ZNF254: variants seen among roughly 807,000 people sequenced by gnomAD.
The protein encoded by ZNF254 is zinc finger protein 254, also known as CTD-2017D11.1.
A neutral mutation model predicts 12.4 loss-of-function variants in ZNF254; 10 were observed. That is an observed-to-expected ratio of 0.80 (90% CI 0.50 to 1.36). The LOEUF is 1.36. Ranked by LOEUF, ZNF254 falls within the 40% of genes most tolerant of loss-of-function variation. The probability of loss-of-function intolerance (pLI) is 0.00; values close to 1 mark genes in which losing one functional copy is unlikely to be tolerated. For synonymous variants in ZNF254, 305 were observed against 253.4 expected (o/e 1.20, Z -1.93); for missense variants, 996 against 763.9 (o/e 1.30, Z -3.58).
intron 2 of ZNF254, among the ~76,000 whole-genome samples, chr19:24,071,904 G>A (rs759897218): frequency 6.6e-6 from 1 of 152,162 alleles, no homozygotes; most frequent in Non-Finnish European, 1.5e-5. Flanking sequence ...TCACCTAGGT[G>A]TTGGACTCAG....
chr19:24,127,351 A>G lies in ZNF254; in HGVS notation c.1351A>G (p.Lys451Glu). 1.2e-6 allele frequency: 2 copies of G among 1,613,556 alleles called. No individual in the cohort carries two copies. ...ATTTATCTGGTCCTCAACCCTTACT[A>G]AACATAAGAGAATTCATACTAGAGA... Reference protein sequence around the residue: ...KAFIWSSTLTKHKRIHTREKP... With the variant: ...KAFIWSSTLTEHKRIHTREKP... The change falls in exon 4 of 4, where the codon AAA becomes GAA. Residue 451 changes from lysine (K) to glutamate (E), a missense_variant. Lys to Glu is a moderately conservative substitution (Grantham distance 56). Transcript: ENST00000357002.
At chr19:24,115,457 T>TA (rs35744550) in intron 3 of ZNF254, among the ~76,000 whole-genome samples, 45,530 of 149,722 alleles carry the variant, frequency 0.3, 8,288 homozygotes, top group African/African-American at 0.52. Context: ...TTCCCACTCA[T>TA]GGGGGGAATT....
At chr19:24,103,936 G>A (rs1211849751) in intron 1 of ZNF254, 1 of 152,258 alleles carries the variant, frequency 6.6e-6, no homozygotes, top group Non-Finnish European at 1.5e-5. Context: ...TGTTGGCCAG[G>A]CTGATCTTGA....
At position 24,099,287 on chromosome 19, in the gene ZNF254, G is replaced by A. The variant is rs190916146; in HGVS notation, c.31-6653G>A. Among the ~76,000 whole-genome samples, 26 of 151,768 alleles carry A rather than the reference G, an allele frequency of 1.7e-4. 1 individual carries two copies. In the East Asian group the frequency reaches 5.1e-3, roughly 30 times the overall value. ...CCCAAAGTGCTAGGATAACAGGCAT[G>A]AGCCACCCTGCCTGGCCAGGCTTCA... On this transcript the variant is annotated intron_variant, in intron 1 of 3. Coordinates refer to ENST00000357002, the MANE Select transcript of ZNF254 (RefSeq NM_203282.4).
intron 2 of ZNF254, among the ~76,000 whole-genome samples, chr19:24,056,915 AGAT>A (rs1482339729): frequency 6.6e-6 from 1 of 152,168 alleles, no homozygotes; most frequent in East Asian, 1.9e-4. Context: ...CCTATTACCC[AGAT>A]GATATAAGTC....
At chr19:24,079,237 CT>C (rs1971764789) in intron 2 of ZNF254, 1 of 152,172 alleles carries the variant, frequency 6.6e-6, no homozygotes, top group African/African-American at 2.4e-5. Context: ...TCAAGCCCCC[CT>C]GCCACTTGGT....
chr19:24,041,168 C>G (rs938416076), intron 1 of ZNF254, among the ~76,000 whole-genome samples: 4 of 152,250 alleles, frequency 2.6e-5, no homozygotes, highest in Non-Finnish European at 5.9e-5. Context: ...CCTCAGAGCC[C>G]TCGCTTGCTC....
At chr19:24,034,542 G>A (rs970497769) in intron 1 of ZNF254, among the ~76,000 whole-genome samples, 4 of 136,258 alleles carry the variant, frequency 2.9e-5, no homozygotes, top group Non-Finnish European at 6.1e-5. Context: ...CTGTCACCCA[G>A]GCTGTAGTAC....
chr19:24,119,198 T>C (rs1974312811), intron 3 of ZNF254, among the ~76,000 whole-genome samples: 1 of 152,032 alleles, frequency 6.6e-6, no homozygotes, highest in African/African-American at 2.4e-5. Context: ...TATTGTATTT[T>C]TTATTTTTTT....
chr19:24,099,272 T>G (rs987589170), intron 1 of ZNF254, among the ~76,000 whole-genome samples: 5 of 151,644 alleles, frequency 3.3e-5, no homozygotes, highest in African/African-American at 1.2e-4. Flanking sequence ...CCCAAAGTGC[T>G]AGGATAACAG....
intron 1 of ZNF254, among the ~76,000 whole-genome samples, chr19:24,036,231 T>A (rs1200344944): frequency 9.2e-6 from 1 of 108,440 alleles, no homozygotes; most frequent in East Asian, 2.4e-4. Flanking sequence ...CTCGGCTAAA[T>A]TTTTTTTTTT....
intron 2 of ZNF254, among the ~76,000 whole-genome samples, chr19:24,061,210 T>A (rs1971052535): frequency 6.6e-6 from 1 of 150,854 alleles, no homozygotes; most frequent in African/African-American, 2.5e-5. Flanking sequence ...ATGGGGTTAT[T>A]GAGACATTTA....
At chr19:24,065,182 CCT>C (rs1436299758) in intron 2 of ZNF254, among the ~76,000 whole-genome samples, 7 of 152,180 alleles carry the variant, frequency 4.6e-5, no homozygotes, top group Admixed American at 3.3e-4. Context: ...TCTACTTCTA[CCT>C]GCCTTCTTCC....
At position 24,060,930 on chromosome 19, in the gene ZNF254, C is replaced by A. The variant is rs554384713; in HGVS notation, c.-94+14651C>A. Among the ~76,000 whole-genome samples, 101 of 152,232 alleles carry A rather than the reference C, an allele frequency of 6.6e-4. 1 individual carries two copies. The highest frequency in any genetic ancestry group is 1.3e-3 in the Non-Finnish European group (89 of 68,020). Reference sequence around the variant, plus strand: ...ACCCACAGAGGTCATTGCAACATATCCCTGAGCCCCTAATTTAGGTAATTT... The same window carrying A: ...ACCCACAGAGGTCATTGCAACATATACCTGAGCCCCTAATTTAGGTAATTT... On this transcript the variant is annotated intron_variant, in intron 2 of 4. Transcript: ENST00000613065.
chr19:24,117,782 T>A (rs1347372303), intron 3 of ZNF254, among the ~76,000 whole-genome samples: 2 of 152,056 alleles, frequency 1.3e-5, no homozygotes, highest in Non-Finnish European at 2.9e-5. Flanking sequence ...ACCCGTCTTC[T>A]GCATCACTCA....
intron 1 of ZNF254, among the ~76,000 whole-genome samples, chr19:24,091,442 G>T (rs932367009): frequency 6.6e-6 from 1 of 151,928 alleles, no homozygotes; most frequent in Non-Finnish European, 1.5e-5. Flanking sequence ...TTTTAGCAGG[G>T]TAAATCCTTG....
At chr19:24,057,601 A>T (rs550654988) in intron 2 of ZNF254, among the ~76,000 whole-genome samples, 1 of 152,328 alleles carries the variant, frequency 6.6e-6, no homozygotes, top group African/African-American at 2.4e-5. Flanking sequence ...GACAGTAAAG[A>T]TTGTCCTCTT....
At chr19:24,120,151 G>A (rs1974379589) in intron 3 of ZNF254, among the ~76,000 whole-genome samples, 1 of 152,082 alleles carries the variant, frequency 6.6e-6, no homozygotes, top group African/African-American at 2.4e-5. Flanking sequence ...GAAAGAGCTT[G>A]CGCAGGAAAA....
At chr19:24,096,445 T>C (rs117836250) in intron 1 of ZNF254, among the ~76,000 whole-genome samples, 196 of 152,294 alleles carry the variant, frequency 1.3e-3, no homozygotes, top group Non-Finnish European at 2.3e-3. Context: ...CAAGTGCAGG[T>C]TGTTTAATTT....
Sources: allele counts gnomAD v4.1 joint callset (sites outside exome capture counted in the v4.1 genomes callset), GRCh38; gene constraint gnomAD v4.1.1; transcripts MANE v1.5; gene names NCBI Gene and HGNC (gene_info 2026-07-23, HGNC 2026-07-21).